Variants in GNA14 observed in about 807,000 individuals in gnomAD.
GNA14 encodes G protein subunit alpha 14.
Under a neutral mutation model 42.0 loss-of-function variants are expected in GNA14, and 50 were observed. The ratio of observed to expected loss-of-function variants is 1.19; its 90% CI spans 0.95 to 1.51. The LOEUF is 1.51. GNA14 is among the 40% of genes most tolerant of loss of function. GNA14 has a pLI of 0.00. For synonymous variants in GNA14, 173 were observed against 163.1 expected (o/e 1.06, Z -0.46); for missense variants, 473 against 446.2 (o/e 1.06, Z -0.54).
chr9:77,531,386 C>G (rs991400186), intron 1 of GNA14, among the ~76,000 whole-genome samples: 1 of 152,174 alleles, frequency 6.6e-6, no homozygotes, highest in Non-Finnish European at 1.5e-5. Context: ...CTTGGCTGCA[C>G]AAACCCTATA....
At chr9:77,628,550 A>G (rs1000163912) in intron 1 of GNA14, among the ~76,000 whole-genome samples, 1 of 152,196 alleles carries the variant, frequency 6.6e-6, no homozygotes, top group African/African-American at 2.4e-5. Context: ...ATATAGATCA[A>G]TGGAACAGAA....
chr9:77,462,286 G>A (rs927511470), intron 2 of GNA14, among the ~76,000 whole-genome samples: 4 of 152,182 alleles, frequency 2.6e-5, no homozygotes, highest in Non-Finnish European at 5.9e-5. Flanking sequence ...GGAGCTCCCC[G>A]GGGCTCAGGG....
intron 2 of GNA14, among the ~76,000 whole-genome samples, chr9:77,489,931 T>G (rs910325620): frequency 5.9e-5 from 9 of 152,120 alleles, no homozygotes; most frequent in African/African-American, 1.2e-4. Flanking sequence ...GGCAGCCTGT[T>G]TTTATTCTTA....
At chr9:77,590,427 TCA>T (rs1442728295) in intron 1 of GNA14, among the ~76,000 whole-genome samples, 1 of 152,206 alleles carries the variant, frequency 6.6e-6, no homozygotes, top group Admixed American at 6.5e-5. Context: ...GAGCATAATT[TCA>T]CATTTTCTAT....
intron 1 of GNA14, among the ~76,000 whole-genome samples, chr9:77,561,029 T>C (rs969009346): frequency 3.9e-5 from 6 of 152,318 alleles, no homozygotes; most frequent in African/African-American, 1.2e-4. Context: ...GCCATAATCA[T>C]AATTCTCAAA....
intron 2 of GNA14, among the ~76,000 whole-genome samples, chr9:77,528,231 ACTAG>A (rs1470172138): frequency 6.6e-6 from 1 of 152,202 alleles, no homozygotes; most frequent in Non-Finnish European, 1.5e-5. Flanking sequence ...CTGGCATTTT[ACTAG>A]CTAAATTCCT....
intron 1 of GNA14, among the ~76,000 whole-genome samples, chr9:77,568,037 A>T (rs1043485193): frequency 1.3e-5 from 2 of 152,328 alleles, no homozygotes; most frequent in South Asian, 4.1e-4. Context: ...AAGACTAGAA[A>T]GAAAGAGGTG....
intron 1 of GNA14, among the ~76,000 whole-genome samples, chr9:77,642,140 T>TAC (rs750032118): frequency 1.3e-5 from 2 of 152,362 alleles, no homozygotes; most frequent in Non-Finnish European, 2.9e-5. Flanking sequence ...ACTCAAAGTG[T>TAC]ACACTTAAGC....
At chr9:77,618,850 G>A (rs1823876501) in intron 1 of GNA14, among the ~76,000 whole-genome samples, 1 of 149,878 alleles carries the variant, frequency 6.7e-6, no homozygotes, top group African/African-American at 2.5e-5. Flanking sequence ...AGCCGGGATG[G>A]TCTCGATCTC....
At chr9:77,610,663 A>G (rs1228515137) in intron 1 of GNA14, among the ~76,000 whole-genome samples, 1 of 152,228 alleles carries the variant, frequency 6.6e-6, no homozygotes, top group Admixed American at 6.5e-5. Context: ...TTAAAGCTAA[A>G]TAAGCCATTT....
chr9:77,446,055 G>C (rs1835812495), intron 2 of GNA14, among the ~76,000 whole-genome samples: 1 of 152,198 alleles, frequency 6.6e-6, no homozygotes, highest in Non-Finnish European at 1.5e-5. Context: ...CCCTGCTGGG[G>C]AAAAGGCGGG....
In GNA14 at chr9:77,458,482, G is replaced by A. The variant is rs181501365; in HGVS notation, c.310-23960C>T. Among the ~76,000 whole-genome samples, 4 of 152,168 alleles carry A rather than the reference G, an allele frequency of 2.6e-5. No homozygotes were observed. The South Asian group carries it at 6.2e-4, about 24-fold the overall frequency. On this transcript the variant is annotated intron_variant, in intron 2 of 6. Coordinates refer to ENST00000341700, the MANE Select transcript of GNA14 (RefSeq NM_004297.4). ...CCCATCACAGTAGGGCACAGTTAGC[G>A]AAAGTTCCGGATTTAGTTAGCCCAG...
Position 77,423,714 on chromosome 9 carries a change from C to T in GNA14, c.*265G>A, listed in dbSNP as rs1480316126. 1.7e-5 allele frequency: 4 copies of T among 239,258 alleles called. No homozygotes were observed. In the South Asian group the frequency reaches 7.0e-4, roughly 42 times the overall value. The allele number at this position is 239,258 out of a possible 1,614,324, so 14.8% of individuals were successfully genotyped here. On this transcript the variant is annotated 3_prime_UTR_variant, in exon 7 of 7. Transcript: ENST00000341700. Reference sequence around the variant, plus strand: ...TGGCTTTTAAAAATTCTAGAAAACACCAAATTCAAAAATTACACAAAATCT... The same window carrying T: ...TGGCTTTTAAAAATTCTAGAAAACATCAAATTCAAAAATTACACAAAATCT...
At chr9:77,468,251 T>A (rs1234746675) in intron 2 of GNA14, among the ~76,000 whole-genome samples, 1 of 152,200 alleles carries the variant, frequency 6.6e-6, no homozygotes, top group Non-Finnish European at 1.5e-5. Flanking sequence ...ATATAGTAGA[T>A]TTTCTTGAAT....
intron 2 of GNA14, among the ~76,000 whole-genome samples, chr9:77,438,657 C>A (rs1487728131): frequency 6.6e-6 from 1 of 152,074 alleles, no homozygotes; most frequent in Non-Finnish European, 1.5e-5. Flanking sequence ...TTCTTCTATG[C>A]CTTTCAAGAT....
At chr9:77,489,064 T>C (rs779881513) in intron 2 of GNA14, among the ~76,000 whole-genome samples, 40 of 152,180 alleles carry the variant, frequency 2.6e-4, no homozygotes, top group Middle Eastern at 6.8e-3. Context: ...ATCAGATAAA[T>C]TGAACACAGA....
chr9:77,644,333 A>G (rs1441216449), intron 1 of GNA14, among the ~76,000 whole-genome samples: 1 of 149,330 alleles, frequency 6.7e-6, no homozygotes. Flanking sequence ...TCACGCCTAT[A>G]GTCCCAACTA....
Position 77,431,231 on chromosome 9 carries a change from C to G in GNA14, c.593+90G>C, listed in dbSNP as rs534597565. ...GTCACTCTGTCCTAAGAGATATAATCCCTGCTTAGGAATAACACGTTTAAG... is the reference window on the plus strand; with the variant it reads ...GTCACTCTGTCCTAAGAGATATAATGCCTGCTTAGGAATAACACGTTTAAG... On this transcript the variant is annotated intron_variant, in intron 4 of 6. Coordinates refer to ENST00000341700, the MANE Select transcript of GNA14 (RefSeq NM_004297.4). The G allele has an allele frequency of 3.0e-5, 37 of 1,215,208 alleles. No individual in the cohort carries two copies. In the East Asian group the frequency reaches 7.3e-4, roughly 24 times the overall value. 75.3% of individuals were successfully genotyped at this position (1,215,208 alleles called of 1,614,324 possible).
intron 1 of GNA14, among the ~76,000 whole-genome samples, chr9:77,541,353 A>G (rs1042651082): frequency 1.3e-5 from 2 of 152,166 alleles, no homozygotes; most frequent in Non-Finnish European, 2.9e-5. Flanking sequence ...TACTTTTCAC[A>G]TGCCATCCCA....
Sources: gnomAD v4.1 joint callset for allele counts (sites outside exome capture counted in the v4.1 genomes callset) on GRCh38, gnomAD v4.1.1 for gene constraint, MANE v1.5 for transcripts, NCBI Gene and HGNC (gene_info 2026-07-23, HGNC 2026-07-21) for gene names.